The following ERAP2 variants were observed in gnomAD, a reference collection of about 807,000 sequenced individuals.
The protein encoded by ERAP2 is leukocyte-derived arginine aminopeptidase.
A neutral mutation model predicts 111.1 loss-of-function variants in ERAP2; 118 were observed. That is an observed-to-expected ratio of 1.06 (90% CI 0.92 to 1.24). ERAP2 has a LOEUF of 1.24. Ranked by LOEUF, ERAP2 falls within the 50% of genes most tolerant of loss-of-function variation. ERAP2 has a pLI of 0.00. For synonymous variants in ERAP2, 410 were observed against 401.2 expected, an observed-to-expected ratio of 1.02 and a Z score of -0.26; for missense variants, 1,131 against 1,125.8, an observed-to-expected ratio of 1.00 and a Z score of -0.07.
Position 96,889,184 on chromosome 5 carries a change from G to T in ERAP2, c.850-1G>T. ...AACCTCTTCTGATCCACATTTCCCA[G>T]GTGTCCATCTATGCATCCCCAGACA... On this transcript the variant is annotated splice_acceptor_variant, in intron 4 of 18. Transcript: ENST00000437043. LOFTEE classifies it high-confidence loss of function. The T allele has an allele frequency of 6.2e-7, 1 of 1,613,942 alleles. No individual in the cohort carries two copies. Among genetic ancestry groups the T allele is most frequent in the Non-Finnish European group, 8.5e-7 (1 of 1,179,880 alleles).
chr5:96,878,726 G>A (rs975198349), intron 1 of ERAP2, among the ~76,000 whole-genome samples: 5 of 152,060 alleles, frequency 3.3e-5, no homozygotes, highest in African/African-American at 4.8e-5. Context: ...TCAGGAGTTC[G>A]AGACTAGCCA....
Position 96,914,933 on chromosome 5 carries a change from T to G in ERAP2, c.2658-755T>G, listed in dbSNP as rs1160361533. ...CATAAATGATATATAGTATAAAAAG[T>G]TAAATAAATACATTATTTATTTCAT... is the stretch of plus-strand genomic sequence containing the variant. On this transcript the variant is annotated intron_variant, in intron 17 of 18. Transcript: ENST00000437043. Among the ~76,000 whole-genome samples the G allele has an allele frequency of 9.8e-5, 11 of 112,018 alleles. No homozygotes were observed. In the Admixed American group the frequency reaches 1.1e-3, roughly 11 times the overall value. 73.5% of individuals were successfully genotyped at this position (112,018 alleles called of 152,430 possible). A position where few individuals can be genotyped will look rare whatever the true frequency, so the allele number is the denominator to read the frequency against.
In ERAP2 at chr5:96,895,163, A is replaced by AG. The variant is rs397697526; in HGVS notation, c.1126-82dup. The AG allele has an allele frequency of 3.1e-4, 243 of 776,078 alleles. No individual in the cohort carries two copies. In the African/African-American group the frequency reaches 4.5e-3, roughly 14 times the overall value. 48.1% of individuals were successfully genotyped at this position (776,078 alleles called of 1,614,324 possible). ...GAGAGATCCTAACTAATAAAAAAAA[A>AG]GTTAGTAACTATTGTATTTTTTGCT... On this transcript the variant is annotated intron_variant, in intron 6 of 18. Coordinates refer to ENST00000437043, the MANE Select transcript of ERAP2 (RefSeq NM_022350.5).
chr5:96,896,281 C>A, intron 7 of ERAP2, 92 bp from the exon 8 acceptor site: 1 of 1,020,772 alleles, frequency 9.8e-7, no homozygotes, highest in Non-Finnish European at 1.4e-6. Flanking sequence ...GAAATCTTAC[C>A]TCTAAGAACA....
chr5:96,879,361 G>T (rs542659342), intron 1 of ERAP2, among the ~76,000 whole-genome samples: 1 of 152,184 alleles, frequency 6.6e-6, no homozygotes, highest in Non-Finnish European at 1.5e-5. Flanking sequence ...TTTAAGGTAG[G>T]GTTTTTTGGG....
At chr5:96,885,458 AG>A (rs1336026894) in intron 3 of ERAP2, among the ~76,000 whole-genome samples, 1 of 152,234 alleles carries the variant, frequency 6.6e-6, no homozygotes, top group Non-Finnish European at 1.5e-5. Context: ...GTATTTTATC[AG>A]TACCTTCCTC....
chr5:96,892,561 G>T, intron 6 of ERAP2, 108 bp downstream of exon 6: 1 of 1,295,914 alleles, frequency 7.7e-7, no homozygotes, highest in South Asian at 1.4e-5. Context: ...CCTCTAGAGG[G>T]GAACTTAGAG....
At chr5:96,913,584 A>G in intron 17 of ERAP2, 127 bp downstream of exon 17, 1 of 1,172,324 alleles carries the variant, frequency 8.5e-7, no homozygotes. Flanking sequence ...AGTTCAGTGG[A>G]GTCAACTTTG....
chr5:96,912,111 A>AC (rs1436682897), intron 15 of ERAP2, among the ~76,000 whole-genome samples: 1 of 142,334 alleles, frequency 7.0e-6, no homozygotes, highest in African/African-American at 2.6e-5. Context: ...AATGGTGTGA[A>AC]CCCCGGGGGG....
chr5:96,881,309 G>A (rs1783106493), intron 2 of ERAP2: 1 of 420,786 alleles, frequency 2.4e-6, no homozygotes, highest in Admixed American at 2.5e-5. Flanking sequence ...ATTTGGGCCA[G>A]GCTAGTGGCA....
rs1787666859 is a variant in ERAP2 at position 96,918,301 on chromosome 5, G to T, written c.*696G>T. 1 of 152,150 alleles carries T rather than the reference G, an allele frequency of 6.6e-6. No homozygotes were observed. Among genetic ancestry groups the T allele is most frequent in the Non-Finnish European group, 1.5e-5 (1 of 68,006 alleles). The allele number at this position is 152,150 out of a possible 1,614,324, so 9.4% of individuals were successfully genotyped here. A position where few individuals can be genotyped will look rare whatever the true frequency, so the allele number is the denominator to read the frequency against. On this transcript the variant is annotated 3_prime_UTR_variant, in exon 19 of 19. Coordinates refer to ENST00000437043, the MANE Select transcript of ERAP2 (RefSeq NM_022350.5). ...TTGCTTCTTTAATTTTTTTAACCTT[G>T]CTTAGTATTCTATAGTTTGCCCAAC...
intron 5 of ERAP2, among the ~76,000 whole-genome samples, chr5:96,890,749 C>T (rs550511431): frequency 1.3e-5 from 2 of 152,112 alleles, no homozygotes; most frequent in African/African-American, 2.4e-5. Context: ...GGACTTATTT[C>T]GATAGTTCCT....
At chr5:96,902,734 T>A (rs1173692759) in intron 12 of ERAP2, 1 of 173,294 alleles carries the variant, frequency 5.8e-6, no homozygotes, top group African/African-American at 2.4e-5. Flanking sequence ...TCTCACTTAT[T>A]AGATGTGTGA....
At chr5:96,878,213 A>G (rs1782749340) in intron 1 of ERAP2, among the ~76,000 whole-genome samples, 1 of 119,240 alleles carries the variant, frequency 8.4e-6, no homozygotes, top group African/African-American at 3.3e-5. Flanking sequence ...GTGTAAAGGG[A>G]AAAGAACCGA....
chr5:96,903,819 A>C (rs1240376230), intron 13 of ERAP2, among the ~76,000 whole-genome samples: 1 of 152,144 alleles, frequency 6.6e-6, no homozygotes, highest in East Asian at 1.9e-4. Context: ...TAAAAATGAT[A>C]TTTGGCAACT....
intron 4 of ERAP2, among the ~76,000 whole-genome samples, chr5:96,887,459 C>T (rs1010740799): frequency 1.3e-5 from 2 of 151,932 alleles, no homozygotes; most frequent in Admixed American, 1.3e-4. Context: ...GGCCATCATG[C>T]CTGGCTAATT....
chr5:96,914,924 T>C (rs1455820246), intron 17 of ERAP2, among the ~76,000 whole-genome samples: 1 of 136,222 alleles, frequency 7.3e-6, no homozygotes, highest in Admixed American at 7.8e-5. Flanking sequence ...TGATATATAG[T>C]ATAAAAAGTT....
In ERAP2 at chr5:96,879,837, G is replaced by T. The variant is rs1301451526; in HGVS notation, c.152G>T (p.Gly51Val). The T allele has an allele frequency of 3.1e-6, 5 of 1,613,926 alleles. No individual in the cohort carries two copies. The highest frequency in any genetic ancestry group is 3.4e-6 in the Non-Finnish European group (4 of 1,180,016). ...AGTTATCACTTCACTGAGGATCCTG[G>T]GGCTTTCCCAGTAGCCACTAATGGG... ...PSSYHFTEDP[G>V]AFPVATNGER... Residue 51 changes from glycine (G) to valine (V), a missense_variant, in exon 2 of 19, where the codon GGG becomes GTG. Coordinates refer to ENST00000437043, the MANE Select transcript of ERAP2 (RefSeq NM_022350.5).
intron 9 of ERAP2, 74 bp downstream of exon 9, chr5:96,896,937 A>T: frequency 6.9e-7 from 1 of 1,440,988 alleles, no homozygotes; most frequent in Non-Finnish European, 9.2e-7. Flanking sequence ...AATGTTTATA[A>T]ATAGCTATAT....
Sources: gnomAD v4.1 joint callset for allele counts (sites outside exome capture counted in the v4.1 genomes callset) on GRCh38, gnomAD v4.1.1 for gene constraint, MANE v1.5 for transcripts, NCBI Gene and HGNC (gene_info 2026-07-23, HGNC 2026-07-21) for gene names.